EYS: variants seen among roughly 807,000 people sequenced by gnomAD.
EYS encodes the protein protein eyes shut homolog.
Under a neutral mutation model 282.1 loss-of-function variants are expected in EYS, and 250 were observed. The ratio of observed to expected loss-of-function variants is 0.89; its 90% confidence interval spans 0.80 to 0.98. The LOEUF (loss-of-function observed/expected upper bound fraction) is 0.98, where lower values mean the gene tolerates loss of function less well. Among genes scored for constraint, EYS ranks in the 50% least tolerant of loss-of-function variants. The probability of loss-of-function intolerance (pLI) is 0.00; values close to 1 mark genes in which losing one functional copy is unlikely to be tolerated. For missense variants in EYS, 4,016 were observed against 3,709.0 expected (o/e 1.08, Z -2.15); for synonymous variants, 1,355 against 1,282.9 (o/e 1.06, Z -1.20).
chr6:64,564,616 C>T (rs6915486), intron 26 of EYS, among the ~76,000 whole-genome samples: 4,595 of 151,956 alleles, frequency 0.03, 152 homozygotes, highest in East Asian at 0.11. Flanking sequence ...AATATATGTG[C>T]AGAATGTACA....
chr6:64,989,462 AATATATATAT>A (rs372288581), intron 14 of EYS, among the ~76,000 whole-genome samples: 5 of 101,198 alleles, frequency 4.9e-5, no homozygotes, highest in Non-Finnish European at 9.4e-5. Flanking sequence ...GGCTAGCTGT[AATATATATAT>A]ATATATATAT....
chr6:65,165,288 GTTT>G (rs67506368), intron 12 of EYS, among the ~76,000 whole-genome samples: 7,010 of 138,836 alleles, frequency 0.05, 201 homozygotes, highest in Middle Eastern at 0.074. Flanking sequence ...AGTTTTCTTT[GTTT>G]TTTTTTTTTA....
chr6:65,222,913 G>T (rs189226885), intron 12 of EYS, among the ~76,000 whole-genome samples: 1 of 152,196 alleles, frequency 6.6e-6, no homozygotes, highest in South Asian at 2.1e-4. Context: ...CAGAAAACAC[G>T]TGAAATAAGG....
chr6:64,912,453 T>TA, intron 16 of EYS, 31 bp downstream of exon 16: 1 of 1,539,296 alleles, frequency 6.5e-7, no homozygotes, highest in Non-Finnish European at 8.8e-7. Context: ...AGTAATTATT[T>TA]AAAAACAATA....
chr6:63,918,700 TTATTA>T (rs1764488649), intron 35 of EYS, among the ~76,000 whole-genome samples: 1 of 152,194 alleles, frequency 6.6e-6, no homozygotes, highest in South Asian at 2.1e-4. Context: ...CTCACCTCAC[TTATTA>T]TAAGTGCTGT....
chr6:65,329,272 T>C (rs555536834), intron 11 of EYS: 105 of 752,466 alleles, frequency 1.4e-4, no homozygotes, highest in Non-Finnish European at 1.6e-4. Flanking sequence ...AACTTGAAAC[T>C]TTATTATTCA....
intron 31 of EYS, among the ~76,000 whole-genome samples, chr6:64,215,232 A>G (rs1765894234): frequency 6.6e-6 from 1 of 152,100 alleles, no homozygotes; most frequent in Non-Finnish European, 1.5e-5. Context: ...GTGATATACC[A>G]AAAATATTTT....
chr6:64,219,580 C>A (rs1766031683), intron 31 of EYS, among the ~76,000 whole-genome samples: 1 of 152,136 alleles, frequency 6.6e-6, no homozygotes, highest in African/African-American at 2.4e-5. Flanking sequence ...AATGGTATTT[C>A]TAGTTCTAGA....
intron 35 of EYS, among the ~76,000 whole-genome samples, chr6:63,865,525 G>A (rs537502407): frequency 6.6e-6 from 1 of 151,834 alleles, no homozygotes; most frequent in South Asian, 2.1e-4. Flanking sequence ...GATCTTAGGA[G>A]TTTACATCTT....
intron 2 of EYS, among the ~76,000 whole-genome samples, chr6:65,521,726 T>G (rs1236865773): frequency 6.6e-6 from 1 of 152,176 alleles, no homozygotes; most frequent in East Asian, 1.9e-4. Flanking sequence ...TAATCTTGTT[T>G]TATCACACTT....
chr6:63,957,941 CTGAGAGG>C (rs1437097818), intron 35 of EYS, among the ~76,000 whole-genome samples: 1 of 140,960 alleles, frequency 7.1e-6, no homozygotes, highest in Non-Finnish European at 1.6e-5. Flanking sequence ...GTGCAACTTA[CTGAGAGG>C]CATAAATTTG....
chr6:64,915,752 G>A lies in EYS; in HGVS notation c.2382-3009C>T, dbSNP rs1768140549. Among the ~76,000 whole-genome samples, 4 of 152,118 alleles carry A rather than the reference G, an allele frequency of 2.6e-5. No homozygotes were observed. In the South Asian group the frequency reaches 8.3e-4, roughly 32 times the overall value. ...AATTGTCAAATATATTATCCAATTT[G>A]ATACTTTCAATAAAGCTTTGAAATA... is the stretch of plus-strand genomic sequence containing the variant. On this transcript the variant is annotated intron_variant, in intron 15 of 42. Transcript: ENST00000503581.
chr6:64,009,440 C>T (rs531719860), intron 33 of EYS, among the ~76,000 whole-genome samples: 6 of 129,034 alleles, frequency 4.6e-5, no homozygotes, highest in South Asian at 2.4e-4. Context: ...CCCACCACCA[C>T]GCAAGGCTAA....
intron 18 of EYS, among the ~76,000 whole-genome samples, chr6:64,888,180 G>T (rs2209034): frequency 0.71 from 108,057 of 151,184 alleles, 38,932 homozygotes; most frequent in Admixed American, 0.76. Flanking sequence ...AAAATTACAT[G>T]TAGAAAGGAA....
intron 22 of EYS, among the ~76,000 whole-genome samples, chr6:64,797,826 C>T (rs1330757885): frequency 1.3e-5 from 2 of 151,878 alleles, no homozygotes; most frequent in Non-Finnish European, 2.9e-5. Context: ...GCAATATACC[C>T]GTGAGATCTC....
At chr6:65,287,233 A>G (rs957575894) in intron 12 of EYS, among the ~76,000 whole-genome samples, 3 of 151,542 alleles carry the variant, frequency 2.0e-5, no homozygotes, top group Non-Finnish European at 3.0e-5. Flanking sequence ...GCTCACACCT[A>G]TAATTTTACT....
intron 35 of EYS, among the ~76,000 whole-genome samples, chr6:63,925,886 C>T (rs767995567): frequency 6.6e-6 from 1 of 152,134 alleles, no homozygotes; most frequent in Non-Finnish European, 1.5e-5. Flanking sequence ...CCTCGTGATC[C>T]GCCCACCTCG....
chr6:65,539,841 C>G (rs72878444), intron 2 of EYS, among the ~76,000 whole-genome samples: 7 of 152,176 alleles, frequency 4.6e-5, no homozygotes, highest in African/African-American at 1.7e-4. Context: ...ATCGAATTCT[C>G]TCTGAAGTAT....
chr6:63,780,274 C>T (rs191213471), intron 39 of EYS, among the ~76,000 whole-genome samples: 185 of 152,228 alleles, frequency 1.2e-3, no homozygotes, highest in African/African-American at 3.4e-3. Flanking sequence ...GTAATGGGAT[C>T]GCTGGGTCAA....
Sources: allele counts gnomAD v4.1 joint callset (sites outside exome capture counted in the v4.1 genomes callset), GRCh38; gene constraint gnomAD v4.1.1; transcripts MANE v1.5; gene names NCBI Gene and HGNC (gene_info 2026-07-23, HGNC 2026-07-21).